ASTN2: variants seen among roughly 807,000 people sequenced by gnomAD.
ASTN2 encodes the protein astrotactin 2, also known as astrotactin-2.
ASTN2 carries 54 observed loss-of-function variants against 139.8 expected under a neutral mutation model. The observed-to-expected ratio is 0.39, with a 90% CI of 0.31 to 0.48. The LOEUF is 0.48. ASTN2 is among the 20% of genes least tolerant of loss of function. The pLI is 0.95. For synonymous variants in ASTN2, 756 were observed against 719.5 expected (o/e 1.05, Z -0.81); for missense variants, 1,565 against 1,725.1 (o/e 0.91, Z 1.64).
intron 4 of ASTN2, among the ~76,000 whole-genome samples, chr9:117,121,059 C>A (rs1426579752): frequency 6.6e-6 from 1 of 152,140 alleles, no homozygotes; most frequent in Non-Finnish European, 1.5e-5. Context: ...TTTTCTTTTC[C>A]ATCTCTATCT....
At chr9:116,630,153 A>C (rs193289637) in intron 17 of ASTN2, among the ~76,000 whole-genome samples, 1 of 152,326 alleles carries the variant, frequency 6.6e-6, no homozygotes, top group Admixed American at 6.5e-5. Context: ...CATGAATTTG[A>C]TAATCCTATT....
At chr9:116,979,242 T>C (rs952820547) in intron 7 of ASTN2, among the ~76,000 whole-genome samples, 5 of 152,064 alleles carry the variant, frequency 3.3e-5, no homozygotes, top group African/African-American at 4.8e-5. Context: ...GAGATAGTAT[T>C]CAAAATATTC....
chr9:116,680,730 C>A (rs964651916), intron 16 of ASTN2, among the ~76,000 whole-genome samples: 4 of 152,154 alleles, frequency 2.6e-5, no homozygotes, highest in African/African-American at 9.7e-5. Context: ...ATATGCAAAT[C>A]AATAAATGCA....
intron 2 of ASTN2, among the ~76,000 whole-genome samples, chr9:117,247,787 G>A (rs977242036): frequency 2.6e-5 from 4 of 152,178 alleles, no homozygotes; most frequent in South Asian, 2.1e-4. Context: ...GGAGAAGGCT[G>A]TGTCAGCTCC....
At chr9:116,950,303 T>C (rs540253994) in intron 10 of ASTN2, among the ~76,000 whole-genome samples, 73 of 152,190 alleles carry the variant, frequency 4.8e-4, no homozygotes, top group Non-Finnish European at 9.0e-4. Flanking sequence ...GTGGGAAAAA[T>C]TGTTCCAGGT....
At chr9:117,255,650 G>A (rs942956856) in intron 2 of ASTN2, among the ~76,000 whole-genome samples, 38 of 152,180 alleles carry the variant, frequency 2.5e-4, no homozygotes, top group African/African-American at 8.7e-4. Flanking sequence ...AGAATGGTGT[G>A]AGAAAAGTAC....
intron 14 of ASTN2, among the ~76,000 whole-genome samples, chr9:116,732,008 T>G (rs1456722679): frequency 6.6e-6 from 1 of 151,940 alleles, no homozygotes; most frequent in Non-Finnish European, 1.5e-5. Flanking sequence ...TTTATGATCT[T>G]AAAAAAAATG....
intron 1 of ASTN2, among the ~76,000 whole-genome samples, chr9:117,405,473 A>G (rs1269033552): frequency 3.3e-5 from 5 of 152,182 alleles, no homozygotes; most frequent in Non-Finnish European, 7.3e-5. Context: ...GTTACATAAA[A>G]TGGTCACGGT....
intron 13 of ASTN2, among the ~76,000 whole-genome samples, chr9:116,770,860 T>C (rs965786614): frequency 1.3e-5 from 2 of 152,182 alleles, no homozygotes; most frequent in African/African-American, 2.4e-5. Flanking sequence ...CATGTTTTAA[T>C]CTAGTCTCCT....
chr9:117,298,618 T>C (rs1466981300), intron 1 of ASTN2, among the ~76,000 whole-genome samples: 1 of 150,764 alleles, frequency 6.6e-6, no homozygotes, highest in Non-Finnish European at 1.5e-5. Context: ...TTCATATACA[T>C]AGTTATAGTA....
In ASTN2 at chr9:116,425,742, T is replaced by C; in HGVS notation, c.*109A>G. 6.2e-7 allele frequency: 1 copy of C among 1,606,254 alleles called. No individual in the cohort carries two copies. The highest frequency in any genetic ancestry group is 8.5e-7 in the Non-Finnish European group (1 of 1,176,162). ...GGCCTTGCTGGCAAGCTTCATCTGC[T>C]AGGCCCATCCTCAGCTGTCCCCCAG... On this transcript the variant is annotated 3_prime_UTR_variant, in exon 23 of 23. Coordinates refer to ENST00000313400, the MANE Select transcript of ASTN2 (RefSeq NM_001365068.1).
chr9:117,138,138 G>A (rs556004769), intron 4 of ASTN2, among the ~76,000 whole-genome samples: 3 of 152,272 alleles, frequency 2.0e-5, no homozygotes, highest in African/African-American at 7.2e-5. Context: ...TTATATTTTA[G>A]AGAGGAGGAT....
intron 5 of ASTN2, among the ~76,000 whole-genome samples, chr9:117,065,770 T>C (rs1827919862): frequency 6.6e-6 from 1 of 152,120 alleles, no homozygotes; most frequent in South Asian, 2.1e-4. Flanking sequence ...ACCTTTCCTT[T>C]CCCCTAACTT....
chr9:116,473,609 T>G (rs1265387949), intron 20 of ASTN2, among the ~76,000 whole-genome samples: 1 of 152,096 alleles, frequency 6.6e-6, no homozygotes, highest in Non-Finnish European at 1.5e-5. Flanking sequence ...GATAAAGACC[T>G]ATTCAAGGCC....
At chr9:116,499,071 C>T (rs1849767400) in intron 19 of ASTN2, among the ~76,000 whole-genome samples, 1 of 152,114 alleles carries the variant, frequency 6.6e-6, no homozygotes, top group African/African-American at 2.4e-5. Flanking sequence ...TGCACCACCC[C>T]GACTAATGCA....
At chr9:116,806,939 A>T (rs527500517) in intron 12 of ASTN2, among the ~76,000 whole-genome samples, 2 of 152,318 alleles carry the variant, frequency 1.3e-5, no homozygotes, top group South Asian at 2.1e-4. Context: ...TAATATCATA[A>T]TTTCTGCTTT....
chr9:116,817,246 A>G (rs568786377), intron 12 of ASTN2, among the ~76,000 whole-genome samples: 47 of 151,836 alleles, frequency 3.1e-4, no homozygotes, highest in Middle Eastern at 6.8e-3. Flanking sequence ...GTGAGCTGAG[A>G]TCTCACCGCT....
intron 10 of ASTN2, among the ~76,000 whole-genome samples, chr9:116,879,660 T>C (rs540365695): frequency 6.6e-6 from 1 of 152,314 alleles, no homozygotes; most frequent in East Asian, 1.9e-4. Flanking sequence ...TGGAACACTG[T>C]GCAGGCAACC....
At chr9:116,435,359 C>T (rs1366252309) in intron 22 of ASTN2, among the ~76,000 whole-genome samples, 1 of 152,180 alleles carries the variant, frequency 6.6e-6, no homozygotes. Flanking sequence ...CCTTGAAAGG[C>T]AGAGCAAATG....
Sources: gnomAD v4.1 joint callset for allele counts (sites outside exome capture counted in the v4.1 genomes callset) on GRCh38, gnomAD v4.1.1 for gene constraint, MANE v1.5 for transcripts, NCBI Gene and HGNC (gene_info 2026-07-23, HGNC 2026-07-21) for gene names.